The following SPNS3 variants were observed in gnomAD, a reference collection of about 807,000 sequenced individuals.
SPNS3 encodes protein spinster homolog 3.
A neutral mutation model predicts 54.4 loss-of-function variants in SPNS3; 51 were observed. The observed-to-expected ratio is 0.94, with a 90% CI of 0.75 to 1.18. The LOEUF is 1.18. Ranked by LOEUF, SPNS3 falls within the 50% of genes most tolerant of loss-of-function variation. The probability of loss-of-function intolerance (pLI) is 0.00; values close to 1 mark genes in which losing one functional copy is unlikely to be tolerated. For synonymous variants in SPNS3, 309 were observed against 294.7 expected (o/e 1.05, Z -0.50); for missense variants, 669 against 677.4 (o/e 0.99, Z 0.14).
chr17:4,463,551 C>T (rs1971597232), intron 8 of SPNS3, among the ~76,000 whole-genome samples: 1 of 151,902 alleles, frequency 6.6e-6, no homozygotes, highest in African/African-American at 2.4e-5. Context: ...AACATGCTCT[C>T]TCCCATGCCC....
chr17:4,444,765 T>G (rs1329892802), intron 2 of SPNS3, among the ~76,000 whole-genome samples: 5 of 152,100 alleles, frequency 3.3e-5, no homozygotes, highest in Non-Finnish European at 7.4e-5. Context: ...GATGGTGACC[T>G]CTCCAGTGTT....
In SPNS3 at chr17:4,486,145, C is replaced by T. The variant is rs1972305228; in HGVS notation, c.1180-83C>T. ...TCACCTGAATGGCCTGTCACTCCTCCAGGCAGGTCCTTGGCAGGTGGGGAA... is the reference window on the plus strand; with the variant it reads ...TCACCTGAATGGCCTGTCACTCCTCTAGGCAGGTCCTTGGCAGGTGGGGAA... On this transcript the variant is annotated intron_variant, in intron 9 of 11. Transcript: ENST00000355530. This position sits in a 1 kb window ranked among gnomAD's most constrained non-coding sequence, Gnocchi z 5.5. 1 of 1,284,358 alleles carries T rather than the reference C, an allele frequency of 7.8e-7. No individual in the cohort carries two copies. Among genetic ancestry groups the T allele is most frequent in the Non-Finnish European group, 1.0e-6 (1 of 961,944 alleles). The allele number at this position is 1,284,358 out of a possible 1,614,324, so 79.6% of individuals were successfully genotyped here.
chr17:4,471,805 C>A (rs975860184), intron 8 of SPNS3, among the ~76,000 whole-genome samples: 2 of 151,930 alleles, frequency 1.3e-5, no homozygotes, highest in African/African-American at 4.8e-5. Context: ...TAGCTTGAAG[C>A]CAATATAAGG....
chr17:4,455,165 C>T (rs547301389), intron 8 of SPNS3, among the ~76,000 whole-genome samples: 11 of 152,198 alleles, frequency 7.2e-5, no homozygotes, highest in African/African-American at 2.2e-4. Context: ...CCGCCTGTCT[C>T]GGCCTCCCAA....
chr17:4,444,088 G>A (rs1029887810), intron 2 of SPNS3, among the ~76,000 whole-genome samples: 10 of 152,118 alleles, frequency 6.6e-5, no homozygotes, highest in Admixed American at 2.6e-4. Flanking sequence ...GTGACAGAGC[G>A]AGACTTTGTC....
chr17:4,476,951 C>A (rs1273307151), intron 8 of SPNS3, among the ~76,000 whole-genome samples: 2 of 152,232 alleles, frequency 1.3e-5, no homozygotes, highest in African/African-American at 4.8e-5. Flanking sequence ...CCCCGGCTGG[C>A]GTGGTCTTGT....
intron 7 of SPNS3, among the ~76,000 whole-genome samples, chr17:4,451,264 TCCA>T (rs1567559483): frequency 3.4e-5 from 5 of 145,992 alleles, no homozygotes; most frequent in Non-Finnish European, 4.5e-5. Flanking sequence ...TTTTTTTTTT[TCCA>T]TTTGAGACAG....
At chr17:4,442,017 T>TGTGTGTGTGTGTGTG (rs10692534) in intron 2 of SPNS3, among the ~76,000 whole-genome samples, 137 of 150,548 alleles carry the variant, frequency 9.1e-4, no homozygotes, top group Middle Eastern at 3.4e-3. Context: ...TGTGTGTGTG[T>TGTGTGTGTGTGTGTG]TTGGCAGTAG....
chr17:4,445,157 A>T lies in SPNS3; in HGVS notation c.391A>T (p.Ile131Phe), dbSNP rs758938331. Reference protein sequence around the residue: ...WSGAGLSSSFISPRYSWLFFL... With the variant: ...WSGAGLSSSFFSPRYSWLFFL... ...AGGAGCTGGCCTCTCTAGCTCCTTCATCTCCCCCCGGGTACGTGTCCATGC... is the reference window on the plus strand; with the variant it reads ...AGGAGCTGGCCTCTCTAGCTCCTTCTTCTCCCCCCGGGTACGTGTCCATGC... Residue 131 changes from isoleucine to phenylalanine, a missense_variant, in exon 3 of 12, where the codon ATC becomes TTC. Transcript: ENST00000355530. 6.2e-7 allele frequency: 1 copy of T among 1,612,658 alleles called. No homozygotes were observed. The highest frequency in any genetic ancestry group is 1.1e-5 in the South Asian group (1 of 90,944).
intron 8 of SPNS3, among the ~76,000 whole-genome samples, chr17:4,460,111 G>A (rs778934107): frequency 6.6e-5 from 10 of 152,140 alleles, no homozygotes; most frequent in African/African-American, 1.2e-4. Flanking sequence ...GAGTGTACCC[G>A]ATGGGTTTGA....
At chr17:4,477,769 C>A (rs1307340084) in intron 8 of SPNS3, among the ~76,000 whole-genome samples, 1 of 152,142 alleles carries the variant, frequency 6.6e-6, no homozygotes, top group East Asian at 1.9e-4. Context: ...AGGCCTCGCC[C>A]ACCTCCCTGT....
rs557650665 is a variant in SPNS3 at position 4,483,953 on chromosome 17, T to C, written c.1180-2275T>C. On this transcript the variant is annotated intron_variant, in intron 9 of 11. Transcript: ENST00000355530. The surrounding 1 kb of genome is among the most constrained non-coding windows in gnomAD (Gnocchi z 4.2). ...CACTGTCCCCTGCCTGGAATGCCTT[T>C]CCCCGTCTCTTTGCCAGTTACTCTG... Among the ~76,000 whole-genome samples, 1 of 152,220 alleles carries C rather than the reference T, an allele frequency of 6.6e-6. No individual in the cohort carries two copies. Among genetic ancestry groups the C allele is most frequent in the Non-Finnish European group, 1.5e-5 (1 of 68,042 alleles).
rs551279534 is a variant in SPNS3, at chr17:4,460,293, T to A, written c.1113+7088T>A. Among the ~76,000 whole-genome samples, 3 of 152,298 alleles carry A rather than the reference T, an allele frequency of 2.0e-5. No individual in the cohort carries two copies. The East Asian group carries it at 5.8e-4, about 29-fold the overall frequency. On this transcript the variant is annotated intron_variant, in intron 8 of 11. Transcript: ENST00000355530. The stretch of plus-strand genomic sequence containing the variant: ...CTTTTGTCTTCCGCATCTATTGAAA[T>A]TATCATGTAGTTTTGTCCTTTATTC...
chr17:4,449,903 G>A (rs1043137056), intron 7 of SPNS3, among the ~76,000 whole-genome samples: 2 of 152,136 alleles, frequency 1.3e-5, no homozygotes, highest in South Asian at 4.1e-4. Flanking sequence ...CCCGCTTCCT[G>A]CCTGGCTGTC....
intron 8 of SPNS3, among the ~76,000 whole-genome samples, chr17:4,467,242 C>G (rs1201454320): frequency 2.0e-5 from 3 of 151,832 alleles, no homozygotes; most frequent in Non-Finnish European, 4.4e-5. Flanking sequence ...CATTGGAAGC[C>G]ACCAGACTGT....
chr17:4,464,802 TC>T (rs1176693402), intron 8 of SPNS3, among the ~76,000 whole-genome samples: 4 of 152,152 alleles, frequency 2.6e-5, no homozygotes, highest in Non-Finnish European at 5.9e-5. Context: ...TGTCTCAACC[TC>T]CTGAGTAGCG....
Position 4,449,323 on chromosome 17 carries a change from G to A in SPNS3, c.859G>A (p.Glu287Lys), listed in dbSNP as rs151081415. 2.1e-4 allele frequency: 342 copies of A among 1,611,956 alleles called. 3 individuals carry two copies. The South Asian group carries it at 2.7e-3, about 13-fold the overall frequency. Residue 287 changes from glutamate (E) to lysine (K), a missense_variant, in exon 7 of 12, where the codon GAG (glutamate) becomes AAG (lysine). Physicochemically the swap from Glu to Lys is moderately conservative, Grantham distance 56 (BLOSUM62 1). Coordinates refer to ENST00000355530, the MANE Select transcript of SPNS3 (RefSeq NM_182538.5). ...GTTCTGGGCCCCCAAGTTTCTGCTC[G>A]AGGCACGCGTGGTTCACGGGCTGCA... ...LGFWAPKFLL[E>K]ARVVHGLQPP...
intron 2 of SPNS3, among the ~76,000 whole-genome samples, chr17:4,441,300 A>C (rs1970840429): frequency 6.6e-6 from 1 of 152,178 alleles, no homozygotes; most frequent in Non-Finnish European, 1.5e-5. Flanking sequence ...AGGCGGGAGA[A>C]TAGCTTGAGC....
chr17:4,452,886 A>G, intron 7 of SPNS3, 130 bp from the exon 8 acceptor site: 1 of 847,354 alleles, frequency 1.2e-6, no homozygotes, highest in Non-Finnish European at 1.8e-6. Context: ...AGGGGCCCAC[A>G]GCCATATTCC....
Sources: allele counts gnomAD v4.1 joint callset (sites outside exome capture counted in the v4.1 genomes callset), GRCh38; gene constraint gnomAD v4.1.1; non-coding constraint Gnocchi (gnomAD v3.1); transcripts MANE v1.5; gene names NCBI Gene and HGNC (gene_info 2026-07-23, HGNC 2026-07-21).